Variants in KRTAP5-4 observed in about 807,000 individuals in gnomAD.
KRTAP5-4 encodes keratin-associated protein 5-4.
KRTAP5-4 carries 1 observed loss-of-function variant against 2.6 expected under a neutral mutation model. That is an observed-to-expected ratio of 0.39 (90% CI 0.14 to 1.85). The LOEUF is 1.85. Among genes scored for constraint, KRTAP5-4 ranks in the 40% most tolerant of loss-of-function variants. The pLI is 0.32. For synonymous variants in KRTAP5-4, 83 were observed against 113.1 expected (o/e 0.73, Z 1.69); for missense variants, 195 against 276.9 (o/e 0.70, Z 2.10).
In KRTAP5-4 at chr11:1,621,116, A is replaced by G; in HGVS notation, c.*291T>C. 4.0e-6 allele frequency: 2 copies of G among 499,972 alleles called. No homozygotes were observed. The highest frequency in any genetic ancestry group is 4.1e-5 in the East Asian group (1 of 24,368). 31.0% of individuals were successfully genotyped at this position (499,972 alleles called of 1,614,324 possible). A position where few individuals can be genotyped will look rare whatever the true frequency, so the allele number is the denominator to read the frequency against. On this transcript the variant is annotated 3_prime_UTR_variant, in exon 1 of 1. Coordinates refer to ENST00000399682, the MANE Select transcript of KRTAP5-4 (RefSeq NM_001347674.1). ...AGCTGCTCCAGCTGGAAAAGACAGG[A>G]CTGCAAGTGGGTTCAGGAGCTCAGG... is the stretch of plus-strand genomic sequence containing the variant.
Position 1,621,153 on chromosome 11 carries a change from A to T in KRTAP5-4, c.*254T>A. ...TTCAGGAGCTCAGGCCTCTGAAAAG[A>T]TGAGCAAAGGCGAGGCTAGTGGGTG... is the stretch of plus-strand genomic sequence containing the variant. On this transcript the variant is annotated 3_prime_UTR_variant, in exon 1 of 1. Coordinates refer to ENST00000399682, the MANE Select transcript of KRTAP5-4 (RefSeq NM_001347674.1). 1.4e-6 allele frequency: 1 copy of T among 695,760 alleles called. No homozygotes were observed. Among genetic ancestry groups the T allele is most frequent in the Non-Finnish European group, 2.3e-6 (1 of 429,580 alleles). 43.1% of individuals were successfully genotyped at this position (695,760 alleles called of 1,614,324 possible). A position where few individuals can be genotyped will look rare whatever the true frequency, so the allele number is the denominator to read the frequency against.
In KRTAP5-4 at chr11:1,621,488, G is replaced by C. The variant is rs769003294; in HGVS notation, c.606C>G (p.Ser202=). The change falls in exon 1 of 1, where the codon TCC becomes TCG. Residue 202 remains serine (S), a synonymous_variant. Coordinates refer to ENST00000399682, the MANE Select transcript of KRTAP5-4 (RefSeq NM_001347674.1). ...GATTGCAGCAACTGGACTGGCAGCA[G>C]GATGACCCACAACCTGAGGAGGAGC... ...PCCSSSGCGS[S]CCQSSCCNPC... 2 of 1,613,452 alleles carry C rather than the reference G, an allele frequency of 1.2e-6. No homozygotes were observed. Among genetic ancestry groups the C allele is most frequent in the Non-Finnish European group, 1.7e-6 (2 of 1,179,750 alleles).
rs781589785 is a variant in KRTAP5-4 at position 1,621,575 on chromosome 11, G to A, written c.519C>T (p.Ser173=). ...GCTTGCAGCAGCTGGACTGGCAGCA[G>A]GATGACCCACAACCTGAGGAGGAGC... ...PCCSSSGCGS[S]CCQSSCCKPY... is the part of the protein sequence containing the mutation. The change falls in exon 1 of 1, where the codon TCC becomes TCT. Residue 173 remains serine, a synonymous_variant. Coordinates refer to ENST00000399682, the MANE Select transcript of KRTAP5-4 (RefSeq NM_001347674.1). 6 of 1,613,750 alleles carry A rather than the reference G, an allele frequency of 3.7e-6. No individual in the cohort carries two copies. In the African/African-American group the frequency reaches 5.3e-5, roughly 14 times the overall value.
chr11:1,621,204 T>A lies in KRTAP5-4; in HGVS notation c.*203A>T. ...AGGGGTGATTCAGCTGCAATTGCAG[T>A]TGACTTGGGGAGAGAATTTGTTAGG... On this transcript the variant is annotated 3_prime_UTR_variant, in exon 1 of 1. Transcript: ENST00000399682. 1 of 1,065,394 alleles carries A rather than the reference T, an allele frequency of 9.4e-7. No homozygotes were observed. The highest frequency in any genetic ancestry group is 1.7e-5 in the South Asian group (1 of 58,550). 66.0% of individuals were successfully genotyped at this position (1,065,394 alleles called of 1,614,324 possible).
chr11:1,621,413 C>G lies in KRTAP5-4; in HGVS notation c.681G>C (p.Lys227Asn). Residue 227 changes from lysine (K) to asparagine (N), a missense_variant, in exon 1 of 1, where the codon AAG becomes AAC. Coordinates refer to ENST00000399682, the MANE Select transcript of KRTAP5-4 (RefSeq NM_001347674.1). ...SCCVPVCCQC[K>N]I is the part of the protein sequence containing the mutation. ...GAGGCCTGAGTCCAGAGCCTCAGAT[C>G]TTACACTGGCAGCACACAGGGACAC... 1 of 1,614,142 alleles carries G rather than the reference C, an allele frequency of 6.2e-7. No individual in the cohort carries two copies. The highest frequency in any genetic ancestry group is 8.5e-7 in the Non-Finnish European group (1 of 1,180,002).
At position 1,621,198 on chromosome 11, in the gene KRTAP5-4, T is replaced by C. The variant is rs1284052559; in HGVS notation, c.*209A>G. 9 of 1,020,790 alleles carry C rather than the reference T, an allele frequency of 8.8e-6. No homozygotes were observed. The highest frequency in any genetic ancestry group is 3.3e-4 in the Middle Eastern group (1 of 3,072). 63.2% of individuals were successfully genotyped at this position (1,020,790 alleles called of 1,614,324 possible). A position where few individuals can be genotyped will look rare whatever the true frequency, so the allele number is the denominator to read the frequency against. ...TGGGTGAGGGGTGATTCAGCTGCAA[T>C]TGCAGTTGACTTGGGGAGAGAATTT... is the stretch of plus-strand genomic sequence containing the variant. On this transcript the variant is annotated 3_prime_UTR_variant, in exon 1 of 1. Coordinates refer to ENST00000399682, the MANE Select transcript of KRTAP5-4 (RefSeq NM_001347674.1).
In KRTAP5-4 at chr11:1,622,095, G is replaced by A. The variant is rs779611398; in HGVS notation, c.-2C>T. On this transcript the variant is annotated 5_prime_UTR_variant, in exon 1 of 1. Coordinates refer to ENST00000399682, the MANE Select transcript of KRTAP5-4 (RefSeq NM_001347674.1). ...TCCAGAGCAGCCACAGCAGCCCATG[G>A]TTCTGGTGGATTGAGGGTGGAGCAG... is the stretch of plus-strand genomic sequence containing the variant. 1.2e-6 allele frequency: 2 copies of A among 1,611,682 alleles called. No individual in the cohort carries two copies. Among genetic ancestry groups the A allele is most frequent in the East Asian group, 2.2e-5 (1 of 44,816 alleles).
Position 1,621,323 on chromosome 11 carries a change from G to A in KRTAP5-4, c.*84C>T. 1 of 1,587,510 alleles carries A rather than the reference G, an allele frequency of 6.3e-7. No homozygotes were observed. Among genetic ancestry groups the A allele is most frequent in the Non-Finnish European group, 8.6e-7 (1 of 1,164,974 alleles). ...CAGCAGGGAATGGACCCTGAGCAAT[G>A]ATTTGGGGCTCAACAATGAAGGACA... is the stretch of plus-strand genomic sequence containing the variant. On this transcript the variant is annotated 3_prime_UTR_variant, in exon 1 of 1. Transcript: ENST00000399682.
rs775605801 is a variant in KRTAP5-4, at chr11:1,621,369, G to A, written c.*38C>T. ...GGACAGGTCACAGCTTTGGAAGACA[G>A]GATTAGCAGGACTCACATGAGGCCT... On this transcript the variant is annotated 3_prime_UTR_variant, in exon 1 of 1. Transcript: ENST00000399682. The A allele has an allele frequency of 1.2e-6, 2 of 1,611,658 alleles. No homozygotes were observed. The highest frequency in any genetic ancestry group is 3.3e-5 in the Admixed American group (2 of 59,982).
chr11:1,621,209 T>C lies in KRTAP5-4; in HGVS notation c.*198A>G, dbSNP rs1849592755. 2.7e-6 allele frequency: 3 copies of C among 1,123,748 alleles called. No homozygotes were observed. Among genetic ancestry groups the C allele is most frequent in the South Asian group, 1.7e-5 (1 of 60,184 alleles). The allele number at this position is 1,123,748 out of a possible 1,614,324, so 69.6% of individuals were successfully genotyped here. On this transcript the variant is annotated 3_prime_UTR_variant, in exon 1 of 1. Coordinates refer to ENST00000399682, the MANE Select transcript of KRTAP5-4 (RefSeq NM_001347674.1). ...TGATTCAGCTGCAATTGCAGTTGAC[T>C]TGGGGAGAGAATTTGTTAGGAGAGA... is the stretch of plus-strand genomic sequence containing the variant.
Position 1,621,725 on chromosome 11 carries a change from G to A in KRTAP5-4, c.369C>T (p.Ser123=), listed in dbSNP as rs1193326453. Residue 123 remains serine, a synonymous_variant, in exon 1 of 1, where the codon TCC becomes TCT. Coordinates refer to ENST00000399682, the MANE Select transcript of KRTAP5-4 (RefSeq NM_001347674.1). ...SCGGSKGGCG[S]CGGSKGGCGS... Reference sequence around the variant, plus strand: ...CACAGCCTCCTTTGGAGCCCCCACAGGAGCCACAGCCCCCCTTGGAACCCC... The same window carrying A: ...CACAGCCTCCTTTGGAGCCCCCACAAGAGCCACAGCCCCCCTTGGAACCCC... 1 of 1,604,874 alleles carries A rather than the reference G, an allele frequency of 6.2e-7. No individual in the cohort carries two copies.
At position 1,621,453 on chromosome 11, in the gene KRTAP5-4, G is replaced by A; in HGVS notation, c.641C>T (p.Ser214Phe). ...CACAGGGACACAGCAACTAGACTGG[G>A]AGCAGCAGGGATTGCAGCAACTGGA... ...CQSSCCNPCC[S>F]QSSCCVPVCC... is the part of the protein sequence containing the mutation. The change falls in exon 1 of 1, where the codon TCC (serine) becomes TTC (phenylalanine). Residue 214 changes from serine to phenylalanine, a missense_variant. Transcript: ENST00000399682. 1 of 1,614,006 alleles carries A rather than the reference G, an allele frequency of 6.2e-7. No individual in the cohort carries two copies. Among genetic ancestry groups the A allele is most frequent in the Non-Finnish European group, 8.5e-7 (1 of 1,179,924 alleles).
At position 1,621,357 on chromosome 11, in the gene KRTAP5-4, C is replaced by CT; in HGVS notation, c.*49dup. On this transcript the variant is annotated 3_prime_UTR_variant, in exon 1 of 1. Coordinates refer to ENST00000399682, the MANE Select transcript of KRTAP5-4 (RefSeq NM_001347674.1). Reference sequence around the variant, plus strand: ...CTCAACAATGAAGGACAGGTCACAGCTTTGGAAGACAGGATTAGCAGGACT... The same window carrying CT: ...CTCAACAATGAAGGACAGGTCACAGCTTTTGGAAGACAGGATTAGCAGGACT... The CT allele has an allele frequency of 3.1e-6, 5 of 1,607,700 alleles. No homozygotes were observed. The highest frequency in any genetic ancestry group is 4.3e-6 in the Non-Finnish European group (5 of 1,175,730).
rs1237193172 is a variant in KRTAP5-4 at position 1,621,173 on chromosome 11, T to G, written c.*234A>C. 2.5e-6 allele frequency: 2 copies of G among 802,568 alleles called. No homozygotes were observed. Among genetic ancestry groups the G allele is most frequent in the African/African-American group, 3.5e-5 (2 of 57,186 alleles). 49.7% of individuals were successfully genotyped at this position (802,568 alleles called of 1,614,324 possible). A position where few individuals can be genotyped will look rare whatever the true frequency, so the allele number is the denominator to read the frequency against. On this transcript the variant is annotated 3_prime_UTR_variant, in exon 1 of 1. Coordinates refer to ENST00000399682, the MANE Select transcript of KRTAP5-4 (RefSeq NM_001347674.1). ...AAAAGATGAGCAAAGGCGAGGCTAG[T>G]GGGTGAGGGGTGATTCAGCTGCAAT...
At position 1,621,855 on chromosome 11, in the gene KRTAP5-4, C is replaced by T. The variant is rs763347602; in HGVS notation, c.239G>A (p.Gly80Asp). 7 of 1,583,668 alleles carry T rather than the reference C, an allele frequency of 4.4e-6. No individual in the cohort carries two copies. The highest frequency in any genetic ancestry group is 1.7e-5 in the Admixed American group (1 of 57,888). The part of the protein sequence containing the change: ...SCGSCGGSKG[G>D]YGSCGGSKGG... ...CTTGGAACCCCCACAAGAGCCATAGCCCCCCTTGGAGCCCCCACAGGAGCC... is the reference window on the plus strand; with the variant it reads ...CTTGGAACCCCCACAAGAGCCATAGTCCCCCTTGGAGCCCCCACAGGAGCC... The change falls in exon 1 of 1, where the codon GGC (glycine) becomes GAC (aspartate). Residue 80 changes from glycine (G) to aspartate (D), a missense_variant. Transcript: ENST00000399682.
At position 1,621,456 on chromosome 11, in the gene KRTAP5-4, C is replaced by A. The variant is rs1283440713; in HGVS notation, c.638G>T (p.Cys213Phe). Residue 213 changes from cysteine to phenylalanine, a missense_variant, in exon 1 of 1, where the codon TGC (cysteine) becomes TTC (phenylalanine). Transcript: ENST00000399682. ...CCQSSCCNPC[C>F]SQSSCCVPVC... Reference sequence around the variant, plus strand: ...AGGGACACAGCAACTAGACTGGGAGCAGCAGGGATTGCAGCAACTGGACTG... The same window carrying A: ...AGGGACACAGCAACTAGACTGGGAGAAGCAGGGATTGCAGCAACTGGACTG... The A allele has an allele frequency of 6.2e-7, 1 of 1,614,168 alleles. No homozygotes were observed. Among genetic ancestry groups the A allele is most frequent in the South Asian group, 1.1e-5 (1 of 91,084 alleles).
In KRTAP5-4 at chr11:1,621,339, A is replaced by G; in HGVS notation, c.*68T>C. On this transcript the variant is annotated 3_prime_UTR_variant, in exon 1 of 1. Coordinates refer to ENST00000399682, the MANE Select transcript of KRTAP5-4 (RefSeq NM_001347674.1). ...CTGAGCAATGATTTGGGGCTCAACA[A>G]TGAAGGACAGGTCACAGCTTTGGAA... 1.3e-6 allele frequency: 2 copies of G among 1,597,956 alleles called. No individual in the cohort carries two copies. The highest frequency in any genetic ancestry group is 2.2e-5 in the East Asian group (1 of 44,710).
Position 1,620,962 on chromosome 11 carries a change from G to A in KRTAP5-4, c.*445C>T, listed in dbSNP as rs1294151884. 1 of 153,788 alleles carries A rather than the reference G, an allele frequency of 6.5e-6. No homozygotes were observed. Among genetic ancestry groups the A allele is most frequent in the Admixed American group, 6.4e-5 (1 of 15,700 alleles). The allele number at this position is 153,788 out of a possible 1,614,324, so 9.5% of individuals were successfully genotyped here. ...GGTGCCACTGCACTCCAGCCTGGGT[G>A]ACAGTGCGAGACTCCATCTCAAAAA... is the stretch of plus-strand genomic sequence containing the variant. On this transcript the variant is annotated 3_prime_UTR_variant, in exon 1 of 1. Coordinates refer to ENST00000399682, the MANE Select transcript of KRTAP5-4 (RefSeq NM_001347674.1).
Position 1,621,068 on chromosome 11 carries a change from T to C in KRTAP5-4, c.*339A>G, listed in dbSNP as rs1424239597. 7.2e-5 allele frequency: 24 copies of C among 333,086 alleles called. No individual in the cohort carries two copies. The highest frequency in any genetic ancestry group is 8.8e-5 in the Non-Finnish European group (15 of 171,308). The allele number at this position is 333,086 out of a possible 1,614,324, so 20.6% of individuals were successfully genotyped here. ...GGAAGCCTCTTAAACGCCCACCTTG[T>C]TGCAGGTGGGACGCTTATGCCCAGC... is the stretch of plus-strand genomic sequence containing the variant. On this transcript the variant is annotated 3_prime_UTR_variant, in exon 1 of 1. Coordinates refer to ENST00000399682, the MANE Select transcript of KRTAP5-4 (RefSeq NM_001347674.1).
Sources: allele counts gnomAD v4.1 joint callset, GRCh38; gene constraint gnomAD v4.1.1; transcripts MANE v1.5; gene names NCBI Gene and HGNC (gene_info 2026-07-23, HGNC 2026-07-21).